RNF19B: variants seen among roughly 807,000 people sequenced by gnomAD.
The protein encoded by RNF19B is E3 ubiquitin-protein ligase RNF19B.
Under a neutral mutation model 65.5 loss-of-function variants are expected in RNF19B, and 23 were observed. The observed-to-expected ratio is 0.35, with a 90% CI of 0.25 to 0.50. RNF19B has a LOEUF of 0.50. RNF19B is among the 20% of genes least tolerant of loss of function. RNF19B has a pLI of 0.98. For missense variants in RNF19B, 794 were observed against 980.0 expected, an observed-to-expected ratio of 0.81 and a Z score of 2.53; for synonymous variants, 372 against 379.6, an observed-to-expected ratio of 0.98 and a Z score of 0.23.
In RNF19B at chr1:32,952,429, TAAAAAAA is replaced by T. The variant is rs375150376; in HGVS notation, c.636-2662_636-2656del. Among the ~76,000 whole-genome samples the T allele has an allele frequency of 3.4e-3, 255 of 74,002 alleles. 2 individuals carry two copies. Among genetic ancestry groups the T allele is most frequent in the African/African-American group, 0.016 (223 of 14,088 alleles). The allele number at this position is 74,002 out of a possible 152,430, so 48.5% of individuals were successfully genotyped here. ...GGCAACACAGCAAGACCTTTTCTCTTAAAAAAAAAAAAAAAAAAAAAAAAAAAAAACA... is the reference window on the plus strand; with the variant it reads ...GGCAACACAGCAAGACCTTTTCTCTTAAAAAAAAAAAAAAAAAAAAAAACA... On this transcript the variant is annotated intron_variant, in intron 1 of 8. Transcript: ENST00000235150.
chr1:32,955,683 A>C (rs1305803313), intron 1 of RNF19B, among the ~76,000 whole-genome samples: 1 of 150,652 alleles, frequency 6.6e-6, no homozygotes, highest in Admixed American at 6.6e-5. Flanking sequence ...CGGGAGGTGG[A>C]GGCTGCAGTG....
At position 32,936,814 on chromosome 1, in the gene RNF19B, T is replaced by C. The variant is rs759228193; in HGVS notation, c.2188A>G (p.Arg730Gly). The C allele has an allele frequency of 1.3e-6, 2 of 1,561,886 alleles. No individual in the cohort carries two copies. Among genetic ancestry groups the C allele is most frequent in the Admixed American group, 1.8e-5 (1 of 54,500 alleles). ...GGAGCATTCATTCCACTTCATACTC[T>C]GGCTTCTCCACCTTCTGGCTTCAAG... ...TVLKPEGGEA[R>G]V Residue 730 changes from arginine to glycine, a missense_variant, in exon 9 of 9, where the codon AGA becomes GGA. By Grantham distance (125) the Arg-to-Gly change is moderately radical (BLOSUM62 -2). Transcript: ENST00000235150.
downstream of RNF19B, among the ~76,000 whole-genome samples, chr1:32,931,795 A>G (rs1255373789): frequency 1.3e-5 from 2 of 152,080 alleles, no homozygotes; most frequent in Non-Finnish European, 2.9e-5. Context: ...ATTTGTCCCC[A>G]TTTCTTACAT....
At chr1:32,942,133 C>A in intron 7 of RNF19B, 119 bp downstream of exon 7, 1 of 852,890 alleles carries the variant, frequency 1.2e-6, no homozygotes, top group Non-Finnish European at 1.8e-6. Context: ...AAAACAAAAC[C>A]ATTGACAATT....
downstream of RNF19B, among the ~76,000 whole-genome samples, chr1:32,935,611 GAA>G (rs1412536043): frequency 6.6e-6 from 1 of 152,216 alleles, no homozygotes; most frequent in African/African-American, 2.4e-5. Flanking sequence ...GCAAAACTGA[GAA>G]AGTTTATCAG....
the RNF19B span, among the ~76,000 whole-genome samples, chr1:32,930,596 T>C: frequency 1.1e-4 from 17 of 151,852 alleles, no homozygotes; most frequent in African/African-American, 4.1e-4. Flanking sequence ...TTTGTAGAGA[T>C]GGGGTCTCAC....
At chr1:32,944,239 A>T (rs1642311877) in intron 5 of RNF19B, 80 bp from the exon 6 acceptor site, 2 of 1,455,842 alleles carry the variant, frequency 1.4e-6, no homozygotes, top group Non-Finnish European at 1.8e-6. Flanking sequence ...CTGGGCATGG[A>T]CAAACCACTT....
chr1:32,944,890 G>A lies in RNF19B; in HGVS notation c.1261+624C>T, dbSNP rs568552269. On this transcript the variant is annotated intron_variant, in intron 5 of 8. Transcript: ENST00000235150. ...TTTTTAGTAGAGATGGGGTTTCACC[G>A]TGTTAGCCAGGATGGTCTCGATCTC... 1.3e-3 allele frequency among the ~76,000 whole-genome samples: 199 copies of A among 152,060 alleles called. 1 individual carries two copies. The highest frequency in any genetic ancestry group is 4.7e-3 in the African/African-American group (193 of 41,478).
In RNF19B at chr1:32,936,695, G is replaced by T; in HGVS notation, c.*111C>A. 1.9e-6 allele frequency: 2 copies of T among 1,037,050 alleles called. No individual in the cohort carries two copies. Among genetic ancestry groups the T allele is most frequent in the South Asian group, 3.2e-5 (1 of 31,126 alleles). 64.2% of individuals were successfully genotyped at this position (1,037,050 alleles called of 1,614,324 possible). ...CCCTGGGCAAAAACCTGTGACCAGA[G>T]AATCTGTGAAATAAAATACATAAAT... On this transcript the variant is annotated 3_prime_UTR_variant, in exon 9 of 9. Coordinates refer to ENST00000235150, the MANE Select transcript of RNF19B (RefSeq NM_001300826.2).
chr1:32,936,995 A>G lies in RNF19B; in HGVS notation c.2007T>C (p.Ser669=). ...PESIRSDLES[S]DAQSDDVPDI... ...CTGGCACATCGTCTGACTGTGCATC[A>G]GAACTCTCTAGGTCACTGCGGATGC... Residue 669 remains serine (S), a synonymous_variant, in exon 9 of 9, where the codon TCT becomes TCC. Transcript: ENST00000235150. The G allele has an allele frequency of 1.2e-6, 2 of 1,614,176 alleles. No homozygotes were observed. Among genetic ancestry groups the G allele is most frequent in the Middle Eastern group, 1.6e-4 (1 of 6,062 alleles).
rs1570096450 is a variant in RNF19B at position 32,946,470 on chromosome 1, T to C, written c.1078A>G (p.Ile360Val). Reference protein sequence around the residue: ...LGTLIGAPVGISLIAGIAIPA... With the variant: ...LGTLIGAPVGVSLIAGIAIPA... ...ATGGCAATGCCAGCAATGAGAGAAA[T>C]CCCCACTGGAGCACCAATCAACGTG... The change falls in exon 4 of 9, where the codon ATT (isoleucine) becomes GTT (valine). Residue 360 changes from isoleucine (I) to valine (V), a missense_variant. Physicochemically the swap from Ile to Val is conservative, Grantham distance 29. Around this residue, in one of 3 missense-constraint regions of RNF19B, gnomAD observed 52 missense variants for 108.8 expected, o/e 0.48. Coordinates refer to ENST00000235150, the MANE Select transcript of RNF19B (RefSeq NM_001300826.2). The C allele has an allele frequency of 6.2e-7, 1 of 1,614,012 alleles. No homozygotes were observed.
At chr1:32,936,222 C>T (rs892677803), downstream of RNF19B, among the ~76,000 whole-genome samples, 2 of 152,236 alleles carry the variant, frequency 1.3e-5, no homozygotes, top group African/African-American at 2.4e-5. Flanking sequence ...ATTCAGCTGA[C>T]TCAGCTAATA....
chr1:32,936,444 G>T (rs936740405), downstream of RNF19B: 5 of 165,704 alleles, frequency 3.0e-5, no homozygotes, highest in Non-Finnish European at 5.2e-5. Flanking sequence ...GGAAAATGAG[G>T]TAAGTTGAAT....
Position 32,964,041 on chromosome 1 carries a change from C to T in RNF19B, c.635+10G>A. ...GCCCGCCGCCACCCGCGCCACGCCCCCGCGCTCACCCGCAGTCCGGGGCCG... is the reference window on the plus strand; with the variant it reads ...GCCCGCCGCCACCCGCGCCACGCCCTCGCGCTCACCCGCAGTCCGGGGCCG... On this transcript the variant is annotated intron_variant, in intron 1 of 8. Transcript: ENST00000235150. This position sits in a 1 kb window ranked among gnomAD's most constrained non-coding sequence, Gnocchi z 6.5. The T allele has an allele frequency of 6.8e-7, 1 of 1,468,992 alleles. No homozygotes were observed. The highest frequency in any genetic ancestry group is 9.0e-7 in the Non-Finnish European group (1 of 1,112,140). 91.0% of individuals were successfully genotyped at this position (1,468,992 alleles called of 1,614,324 possible).
chr1:32,957,719 A>T (rs1044177968), intron 1 of RNF19B, among the ~76,000 whole-genome samples: 3 of 152,178 alleles, frequency 2.0e-5, no homozygotes, highest in Non-Finnish European at 2.9e-5. Flanking sequence ...CTGTAATCCC[A>T]GATACTTGGG....
chr1:32,943,441 AC>A, intron 6 of RNF19B, among the ~76,000 whole-genome samples: 1 of 151,286 alleles, frequency 6.6e-6, no homozygotes, highest in African/African-American at 2.4e-5. Flanking sequence ...GAAACACCAA[AC>A]CCCGTCTATA....
At chr1:32,961,386 T>C (rs1414342648) in intron 1 of RNF19B, among the ~76,000 whole-genome samples, 1 of 152,196 alleles carries the variant, frequency 6.6e-6, no homozygotes, top group Non-Finnish European at 1.5e-5. Context: ...ATGGAAGGAA[T>C]ATTGGCATTG....
chr1:32,935,950 T>A (rs751446250), downstream of RNF19B, among the ~76,000 whole-genome samples: 1 of 152,106 alleles, frequency 6.6e-6, no homozygotes, highest in Non-Finnish European at 1.5e-5. Context: ...GGTTTCACCA[T>A]GTTGGCCAGG....
chr1:32,962,396 C>T (rs938743173), intron 1 of RNF19B, among the ~76,000 whole-genome samples: 2 of 152,200 alleles, frequency 1.3e-5, no homozygotes, highest in African/African-American at 4.8e-5. Context: ...CTAAAAGGTC[C>T]TTCCTGATAC....
Sources: gnomAD v4.1 joint callset for allele counts (sites outside exome capture counted in the v4.1 genomes callset) on GRCh38, gnomAD v4.1.1 for gene constraint, gnomAD v4.1.1 regional missense constraint, Gnocchi (gnomAD v3.1) non-coding constraint, MANE v1.5 for transcripts, NCBI Gene and HGNC (gene_info 2026-07-23, HGNC 2026-07-21) for gene names.